The following MTF1 variants were observed in gnomAD, a reference collection of about 807,000 sequenced individuals.
MTF1 encodes MRE-binding transcription factor.
A neutral mutation model predicts 70.4 loss-of-function variants in MTF1; 22 were observed. The observed-to-expected ratio is 0.31, with a 90% CI of 0.22 to 0.45. The LOEUF is 0.45. Among genes scored for constraint, MTF1 ranks in the 20% least tolerant of loss-of-function variants. MTF1 has a pLI of 1.00. For synonymous variants in MTF1, 333 were observed against 352.8 expected (o/e 0.94, Z 0.63); for missense variants, 649 against 922.0 (o/e 0.70, Z 3.83).
At chr1:37,851,659 T>C (rs1400250284) in intron 2 of MTF1, among the ~76,000 whole-genome samples, 1 of 152,186 alleles carries the variant, frequency 6.6e-6, no homozygotes, top group Non-Finnish European at 1.5e-5. Context: ...AATCAACAAA[T>C]TTCTGTCTTG....
chr1:37,858,460 G>A (rs1641535783), intron 1 of MTF1: 1 of 152,170 alleles, frequency 6.6e-6, no homozygotes, highest in Admixed American at 6.6e-5. Context: ...AATAGTAGAG[G>A]AACAAGTATG....
At chr1:37,820,819 C>T (rs564437024) in intron 9 of MTF1, among the ~76,000 whole-genome samples, 2 of 152,052 alleles carry the variant, frequency 1.3e-5, no homozygotes, top group African/African-American at 4.8e-5. Context: ...ACCAATGTAC[C>T]ACACTGTTGC....
chr1:37,851,648 T>G (rs1408363915), intron 2 of MTF1, among the ~76,000 whole-genome samples: 1 of 152,196 alleles, frequency 6.6e-6, no homozygotes, highest in Non-Finnish European at 1.5e-5. Flanking sequence ...TGAGAAGTCC[T>G]AATCAACAAA....
chr1:37,818,555 T>C (rs925202355), intron 9 of MTF1, among the ~76,000 whole-genome samples: 12 of 150,948 alleles, frequency 7.9e-5, no homozygotes, highest in Admixed American at 7.9e-4. Flanking sequence ...ATACAAAAAA[T>C]TAGCCGGGCA....
At chr1:37,816,786 C>T (rs1023572857) in intron 10 of MTF1, among the ~76,000 whole-genome samples, 2 of 152,070 alleles carry the variant, frequency 1.3e-5, no homozygotes, top group African/African-American at 4.8e-5. Flanking sequence ...TGCCTGAACT[C>T]AGGAGGCCCA....
At chr1:37,818,462 T>C (rs940034602) in intron 9 of MTF1, among the ~76,000 whole-genome samples, 3 of 152,070 alleles carry the variant, frequency 2.0e-5, no homozygotes, top group Non-Finnish European at 4.4e-5. Context: ...CCCAGCACTT[T>C]GGGAAGCCGA....
chr1:37,849,897 G>A (rs1415781017), intron 2 of MTF1, among the ~76,000 whole-genome samples: 7 of 152,214 alleles, frequency 4.6e-5, no homozygotes, highest in Non-Finnish European at 8.8e-5. Context: ...AATAAAATAC[G>A]TAAACAAACA....
At chr1:37,823,206 C>T (rs1300348268) in intron 8 of MTF1, among the ~76,000 whole-genome samples, 1 of 151,844 alleles carries the variant, frequency 6.6e-6, no homozygotes, top group African/African-American at 2.4e-5. Flanking sequence ...GAGGCTGAGG[C>T]GGGTGGATTG....
Position 37,822,491 on chromosome 1 carries a change from T to G in MTF1, c.1397A>C (p.Gln466Pro), listed in dbSNP as rs370012597. The G allele has an allele frequency of 2.6e-5, 42 of 1,613,884 alleles. No homozygotes were observed. The highest frequency in any genetic ancestry group is 3.4e-5 in the Non-Finnish European group (40 of 1,180,010). The change falls in exon 9 of 11, where the codon CAA (glutamine) becomes CCA (proline). Residue 466 changes from glutamine (Q) to proline (P), a missense_variant. This residue lies in a region of MTF1 where 267 missense variants were observed against 292.1 expected (regional missense o/e 0.91). Transcript: ENST00000373036. ...AAFGNPPALL[Q>P]PPEVPVPHST... is the part of the protein sequence containing the mutation. ...GTGGGGAACAGGCACTTCTGGAGGT[T>G]GTAAGAGAGCAGGGGGGTTGCCAAA...
At position 37,816,784 on chromosome 1, in the gene MTF1, C is replaced by A. The variant is rs578180205; in HGVS notation, c.1831+635G>T. On this transcript the variant is annotated intron_variant, in intron 10 of 10. Coordinates refer to ENST00000373036, the MANE Select transcript of MTF1 (RefSeq NM_005955.3). Reference sequence around the variant, plus strand: ...GGCTGAGGCAAGAGGATTGCCTGAACTCAGGAGGCCCAGGCTGCAGTGAGC... The same window carrying A: ...GGCTGAGGCAAGAGGATTGCCTGAAATCAGGAGGCCCAGGCTGCAGTGAGC... Among the ~76,000 whole-genome samples, 41 of 152,074 alleles carry A rather than the reference C, an allele frequency of 2.7e-4. 1 individual carries two copies. In the South Asian group the frequency reaches 8.5e-3, roughly 32 times the overall value.
rs141842099 is a variant in MTF1 at position 37,845,134 on chromosome 1, G to T, written c.409-4976C>A. ...CTTCCGGGACTAGCATTGTGGAGAA[G>T]TGGCGCTTGATTTATATTTTTTGAA... On this transcript the variant is annotated intron_variant, in intron 2 of 10. Coordinates refer to ENST00000373036, the MANE Select transcript of MTF1 (RefSeq NM_005955.3). 2.6e-5 allele frequency among the ~76,000 whole-genome samples: 4 copies of T among 152,338 alleles called. No individual in the cohort carries two copies. The East Asian group carries it at 7.7e-4, about 29-fold the overall frequency.
At chr1:37,816,391 T>C (rs1397267830) in intron 10 of MTF1, among the ~76,000 whole-genome samples, 1 of 151,634 alleles carries the variant, frequency 6.6e-6, no homozygotes, top group Non-Finnish European at 1.5e-5. Context: ...AAAGAAAAAT[T>C]AGGCCGGGCG....
chr1:37,835,019 T>C (rs1641144290), intron 6 of MTF1, 60 bp downstream of exon 6: 2 of 1,561,254 alleles, frequency 1.3e-6, no homozygotes, highest in Non-Finnish European at 1.8e-6. Context: ...TTGATTGTGA[T>C]ACACAAACAA....
At position 37,815,312 on chromosome 1, in the gene MTF1, C is replaced by T. The variant is rs749568489; in HGVS notation, c.2086G>A (p.Glu696Lys). The T allele has an allele frequency of 1.9e-6, 3 of 1,613,998 alleles. No individual in the cohort carries two copies. The Admixed American group carries it at 5.0e-5, about 27-fold the overall frequency. ...SSSSTLPSSC[E>K]QSRQAETPSD... ...GGAGTCTCTGCTTGTCGGCTTTGCT[C>T]ACAGGAGGAGGGCAAGGTAGAGGAT... is the stretch of plus-strand genomic sequence containing the variant. The change falls in exon 11 of 11, where the codon GAG becomes AAG. Residue 696 changes from glutamate (E) to lysine (K), a missense_variant. By Grantham distance (56) the Glu-to-Lys change is moderately conservative. Transcript: ENST00000373036. This position sits in a 1 kb window ranked among gnomAD's most constrained non-coding sequence, Gnocchi z 4.5.
intron 9 of MTF1, among the ~76,000 whole-genome samples, chr1:37,820,525 T>C (rs903222262): frequency 6.6e-6 from 1 of 152,236 alleles, no homozygotes; most frequent in Admixed American, 6.5e-5. Context: ...CCTAGGATTG[T>C]TGTAATATGT....
At chr1:37,854,152 C>T (rs1031328961) in intron 2 of MTF1, among the ~76,000 whole-genome samples, 1 of 152,192 alleles carries the variant, frequency 6.6e-6, no homozygotes, top group Non-Finnish European at 1.5e-5. Context: ...GGATTACAGG[C>T]GTCTGCCACC....
intron 1 of MTF1, 53 bp downstream of exon 1, chr1:37,859,478 C>T (rs1641569147): frequency 2.5e-6 from 1 of 398,720 alleles, no homozygotes; most frequent in East Asian, 3.6e-5. Flanking sequence ...AGCCTAAGTC[C>T]CGCGCCTCCC....
chr1:37,852,717 G>A (rs911269186), intron 2 of MTF1, among the ~76,000 whole-genome samples: 2 of 151,248 alleles, frequency 1.3e-5, no homozygotes, highest in African/African-American at 4.9e-5. Context: ...TGCACCCTCC[G>A]CCCTCTGGGT....
chr1:37,823,607 G>A (rs1640952581), intron 8 of MTF1, 103 bp downstream of exon 8: 1 of 830,792 alleles, frequency 1.2e-6, no homozygotes, highest in Non-Finnish European at 1.9e-6. Context: ...ACCCTTTATA[G>A]AAAGCTCACT....
Sources: gnomAD v4.1 joint callset for allele counts (sites outside exome capture counted in the v4.1 genomes callset) on GRCh38, gnomAD v4.1.1 for gene constraint, gnomAD v4.1.1 regional missense constraint, Gnocchi (gnomAD v3.1) non-coding constraint, MANE v1.5 for transcripts, NCBI Gene and HGNC (gene_info 2026-07-23, HGNC 2026-07-21) for gene names.